The following MEIKIN variants were observed in gnomAD, a reference collection of about 807,000 sequenced individuals.
MEIKIN encodes the protein meiosis-specific kinetochore protein.
chr5:131,944,210 G>A (rs973845039), intron 3 of MEIKIN, among the ~76,000 whole-genome samples: 1 of 151,794 alleles, frequency 6.6e-6, no homozygotes, highest in South Asian at 2.1e-4. Context: ...AATTAGTGCT[G>A]TACAACTTTA....
chr5:131,938,085 A>G (rs888671164), intron 4 of MEIKIN, among the ~76,000 whole-genome samples: 10 of 151,268 alleles, frequency 6.6e-5, no homozygotes, highest in Non-Finnish European at 1.0e-4. Flanking sequence ...CATTGGACTC[A>G]TCTTCTAATT....
chr5:131,863,984 T>A (rs1750335082), intron 9 of MEIKIN, among the ~76,000 whole-genome samples: 1 of 152,180 alleles, frequency 6.6e-6, no homozygotes, highest in East Asian at 1.9e-4. Flanking sequence ...TTCTTCCCAA[T>A]CTCGGGTATG....
intron 12 of MEIKIN, among the ~76,000 whole-genome samples, chr5:131,817,613 C>A (rs143029941): frequency 2.6e-4 from 38 of 144,398 alleles, no homozygotes; most frequent in African/African-American, 2.3e-4. Context: ...GAGAATCTGT[C>A]AAAAAAAAAA....
chr5:131,922,874 C>T (rs1412522541), intron 5 of MEIKIN, among the ~76,000 whole-genome samples: 1 of 152,116 alleles, frequency 6.6e-6, no homozygotes, highest in Non-Finnish European at 1.5e-5. Flanking sequence ...TCCCTTTCCT[C>T]ATCTGTTTAG....
At chr5:131,877,643 CA>C (rs1046074975) in intron 9 of MEIKIN, among the ~76,000 whole-genome samples, 2 of 150,814 alleles carry the variant, frequency 1.3e-5, no homozygotes, top group South Asian at 2.1e-4. Flanking sequence ...GACCTTGTTT[CA>C]AAAAAAACAA....
intron 11 of MEIKIN, among the ~76,000 whole-genome samples, chr5:131,826,747 T>C (rs1438403252): frequency 6.8e-6 from 1 of 147,826 alleles, no homozygotes; most frequent in Non-Finnish European, 1.5e-5. Context: ...CTGCGCTCTC[T>C]CTTTCCTGCC....
At chr5:131,887,745 A>G (rs911995545) in intron 8 of MEIKIN, among the ~76,000 whole-genome samples, 1 of 151,092 alleles carries the variant, frequency 6.6e-6, no homozygotes, top group Non-Finnish European at 1.5e-5. Flanking sequence ...TTTAGGGTAC[A>G]TGTGCACAAC....
At chr5:131,889,335 A>G (rs1007954148) in intron 8 of MEIKIN, among the ~76,000 whole-genome samples, 2 of 152,178 alleles carry the variant, frequency 1.3e-5, no homozygotes, top group East Asian at 3.8e-4. Flanking sequence ...GATTCTTCCT[A>G]CCCACGAGCA....
intron 4 of MEIKIN, among the ~76,000 whole-genome samples, chr5:131,935,952 C>T (rs1007279683): frequency 6.6e-6 from 1 of 152,180 alleles, no homozygotes; most frequent in Non-Finnish European, 1.5e-5. Flanking sequence ...CCTAGAGTGT[C>T]CTGTCCCTGT....
chr5:131,863,629 T>C (rs570480424), intron 9 of MEIKIN, among the ~76,000 whole-genome samples: 226 of 147,552 alleles, frequency 1.5e-3, no homozygotes, highest in African/African-American at 5.1e-3. Flanking sequence ...TAACTACTCC[T>C]GCTCAGTTAT....
At chr5:131,847,665 T>C (rs1750042540) in intron 11 of MEIKIN, among the ~76,000 whole-genome samples, 1 of 152,008 alleles carries the variant, frequency 6.6e-6, no homozygotes, top group African/African-American at 2.4e-5. Flanking sequence ...AATAGAGGAC[T>C]TACAATCAAT....
intron 8 of MEIKIN, among the ~76,000 whole-genome samples, chr5:131,893,245 A>C (rs997560943): frequency 2.7e-5 from 4 of 148,058 alleles, no homozygotes; most frequent in African/African-American, 9.9e-5. Flanking sequence ...CCACCCAGTT[A>C]GAGCTTCCCA....
rs1424236185 is a variant in MEIKIN, at chr5:131,886,952, C to T, written c.704-7904G>A. Among the ~76,000 whole-genome samples, 9 of 108,386 alleles carry T rather than the reference C, an allele frequency of 8.3e-5. No homozygotes were observed. In the Admixed American group the frequency reaches 9.8e-4, roughly 12 times the overall value. 71.1% of individuals were successfully genotyped at this position (108,386 alleles called of 152,430 possible). ...TATCTCCTAATGCTATCCCTCCCCC[C>T]TCCCCCCACCCTAATGCTATCCATC... On this transcript the variant is annotated intron_variant, in intron 8 of 12. Coordinates refer to ENST00000442687, the MANE Select transcript of MEIKIN (RefSeq NM_001303622.2).
At chr5:131,862,930 C>T (rs913641147) in intron 9 of MEIKIN, among the ~76,000 whole-genome samples, 8 of 152,118 alleles carry the variant, frequency 5.3e-5, no homozygotes, top group African/African-American at 1.9e-4. Context: ...AACTCCTGGC[C>T]TCAAGTGATC....
intron 8 of MEIKIN, among the ~76,000 whole-genome samples, chr5:131,895,497 A>T (rs892746564): frequency 8.5e-5 from 13 of 152,158 alleles, no homozygotes; most frequent in African/African-American, 3.1e-4. Flanking sequence ...GGTAGAATTC[A>T]ACTGGGAATC....
intron 11 of MEIKIN, among the ~76,000 whole-genome samples, chr5:131,834,922 A>C (rs1373092203): frequency 6.6e-6 from 1 of 151,946 alleles, no homozygotes; most frequent in East Asian, 1.9e-4. Flanking sequence ...TCAGCAGTGT[A>C]CAAGGGTTCC....
At chr5:131,833,508 T>A (rs1412834224) in intron 11 of MEIKIN, among the ~76,000 whole-genome samples, 1 of 152,224 alleles carries the variant, frequency 6.6e-6, no homozygotes, top group Non-Finnish European at 1.5e-5. Context: ...AGTTCCAAAG[T>A]TGCTTCCACA....
At chr5:131,886,040 T>C (rs1179143503) in intron 8 of MEIKIN, among the ~76,000 whole-genome samples, 1 of 152,174 alleles carries the variant, frequency 6.6e-6, no homozygotes, top group African/African-American at 2.4e-5. Flanking sequence ...CATCAGAGCC[T>C]TTTAATGGCA....
chr5:131,934,124 T>A (rs1189664273), intron 4 of MEIKIN, among the ~76,000 whole-genome samples: 1 of 151,776 alleles, frequency 6.6e-6, no homozygotes, highest in African/African-American at 2.4e-5. Context: ...CTAATTATTT[T>A]TTTTTTATTT....
Sources: allele counts gnomAD v4.1 joint callset (sites outside exome capture counted in the v4.1 genomes callset), GRCh38; gene constraint gnomAD v4.1.1; transcripts MANE v1.5; gene names NCBI Gene and HGNC (gene_info 2026-07-23, HGNC 2026-07-21).